The following AGT variants were observed in gnomAD, a reference collection of about 807,000 sequenced individuals.
AGT encodes angiotensinogen.
A neutral mutation model predicts 28.1 loss-of-function variants in AGT; 26 were observed. That is an observed-to-expected ratio of 0.92 (90% CI 0.68 to 1.28). The LOEUF (loss-of-function observed/expected upper bound fraction) is 1.28. Ranked by LOEUF, AGT falls within the 50% of genes most tolerant of loss-of-function variation. AGT has a pLI of 0.00. For synonymous variants in AGT, 259 were observed against 259.6 expected, an observed-to-expected ratio of 1.00 and a Z score of 0.02; for missense variants, 596 against 592.3, an observed-to-expected ratio of 1.01 and a Z score of -0.06.
At chr1:230,735,895 G>A (rs568351942) in intron 1 of AGT, among the ~76,000 whole-genome samples, 6 of 152,196 alleles carry the variant, frequency 3.9e-5, no homozygotes, top group East Asian at 1.9e-4. Flanking sequence ...ATAGTTCATC[G>A]ATTAAACACT....
chr1:230,712,630 G>C (rs535345068), intron 1 of AGT, among the ~76,000 whole-genome samples: 2 of 152,208 alleles, frequency 1.3e-5, no homozygotes, highest in African/African-American at 2.4e-5. Context: ...CCAACTGTTC[G>C]GGGTTTGGAT....
At position 230,703,141 on chromosome 1, in the gene AGT, T is replaced by G. The variant is rs1162198961; in HGVS notation, c.1431A>C (p.Ter477CysextTer25). ...GRVANPLSTA* is the reference protein window; with the variant it reads ...GRVANPLSTAC ...GGCACTGTGTTCTGGGGCCCTGGCC[T>G]CATGCTGTGCTCAGCGGGTTGGCCA... The change falls in exon 5 of 5, where the codon TGA becomes TGC. Residue 477 changes from the stop codon to cysteine, a stop_lost. Coordinates refer to ENST00000366667, the MANE Select transcript of AGT (RefSeq NM_001384479.1). 3.1e-6 allele frequency: 5 copies of G among 1,613,356 alleles called. No homozygotes were observed. The Admixed American group carries it at 8.3e-5, about 27-fold the overall frequency.
chr1:230,706,000 G>C lies in AGT; in HGVS notation c.1030C>G (p.Leu344Val), dbSNP rs61762529. Residue 344 changes from leucine (L) to valine (V), a missense_variant, in exon 3 of 5, where the codon CTG becomes GTG. Transcript: ENST00000366667. ...AAAGTGAGACCCTCCACCTTGTCCA[G>C]GTCAGAGGCATAGTGAGGCTGGATC... ...LLIQPHYASD[L>V]DKVEGLTFQQ... 2.0e-5 allele frequency: 32 copies of C among 1,614,052 alleles called. No individual in the cohort carries two copies. The highest frequency in any genetic ancestry group is 2.5e-5 in the Non-Finnish European group (30 of 1,180,028).
intron 2 of AGT, 50 bp from the exon 3 acceptor site, chr1:230,706,250 C>A (rs935154853): frequency 4.4e-6 from 7 of 1,598,204 alleles, no homozygotes; most frequent in Non-Finnish European, 6.0e-6. Context: ...AAGACAGGGG[C>A]AGGAATGAGG....
chr1:230,710,942 C>T, intron 1 of AGT, 89 bp from the exon 2 acceptor site: 1 of 1,484,640 alleles, frequency 6.7e-7, no homozygotes, highest in African/African-American at 1.4e-5. Flanking sequence ...CTCAATATTC[C>T]CTGTCACCAT....
intron 2 of AGT, among the ~76,000 whole-genome samples, chr1:230,709,540 G>T (rs964479824): frequency 3.3e-5 from 5 of 152,120 alleles, no homozygotes; most frequent in Admixed American, 3.3e-4. Flanking sequence ...ATTTCTGCAT[G>T]GGCCAGGGAC....
intron 1 of AGT, among the ~76,000 whole-genome samples, chr1:230,713,052 C>G (rs1269650885): frequency 6.6e-6 from 1 of 152,208 alleles, no homozygotes; most frequent in African/African-American, 2.4e-5. Context: ...TGAGGTTTCC[C>G]TGATGCAGTA....
chr1:230,712,325 G>A (rs968709520), intron 1 of AGT, among the ~76,000 whole-genome samples: 1 of 152,070 alleles, frequency 6.6e-6, no homozygotes, highest in Admixed American at 6.5e-5. Flanking sequence ...TCAACACGGT[G>A]CAGCTGCTGA....
Position 230,703,325 on chromosome 1 carries a change from A to G in AGT, c.1247T>C (p.Leu416Pro), listed in dbSNP as rs745906986. The G allele has an allele frequency of 9.9e-6, 16 of 1,614,110 alleles. No homozygotes were observed. The highest frequency in any genetic ancestry group is 1.3e-5 in the Non-Finnish European group (15 of 1,180,054). ...SNDRIRVGEVLNSIFFELEAD... is the reference protein window; with the variant it reads ...SNDRIRVGEVPNSIFFELEAD... ...TTCAAGCTCAAAAAAAATGCTGTTC[A>G]GCACCTGCAAAGCAGCAGACATCAG... is the stretch of plus-strand genomic sequence containing the variant. Residue 416 changes from leucine to proline, a missense_variant, in exon 5 of 5, where the codon CTG becomes CCG. Physicochemically the swap from Leu to Pro is moderately conservative, Grantham distance 98. Coordinates refer to ENST00000366667, the MANE Select transcript of AGT (RefSeq NM_001384479.1).
chr1:230,702,930 G>T lies in AGT; in HGVS notation c.*211C>A, dbSNP rs371105256. 5 of 594,444 alleles carry T rather than the reference G, an allele frequency of 8.4e-6. No individual in the cohort carries two copies. Among genetic ancestry groups the T allele is most frequent in the South Asian group, 2.1e-5 (1 of 46,918 alleles). 36.8% of individuals were successfully genotyped at this position (594,444 alleles called of 1,614,324 possible). A position where few individuals can be genotyped will look rare whatever the true frequency, so the allele number is the denominator to read the frequency against. On this transcript the variant is annotated 3_prime_UTR_variant, in exon 5 of 5. Coordinates refer to ENST00000366667, the MANE Select transcript of AGT (RefSeq NM_001384479.1). ...GCAAACTGGGAGGTGCATTTGTGCC[G>T]CTGCAGGCTTCTACTGCTCACTCCA... is the stretch of plus-strand genomic sequence containing the variant.
At chr1:230,719,512 A>C (rs1024555937), upstream of AGT, among the ~76,000 whole-genome samples, 1 of 148,676 alleles carries the variant, frequency 6.7e-6, no homozygotes, top group Non-Finnish European at 1.5e-5. Context: ...GGTTCACGCC[A>C]TTCTCCTGTC....
intron 1 of AGT, among the ~76,000 whole-genome samples, chr1:230,725,520 G>A (rs1663924916): frequency 6.6e-6 from 1 of 152,170 alleles, no homozygotes; most frequent in African/African-American, 2.4e-5. Flanking sequence ...GAAGAGTTCT[G>A]CTCACCATTT....
chr1:230,711,491 G>A (rs1333213151), intron 1 of AGT, among the ~76,000 whole-genome samples: 1 of 152,164 alleles, frequency 6.6e-6, no homozygotes, highest in Admixed American at 6.5e-5. Flanking sequence ...GCCTGCAGCT[G>A]TAAGTTCTCT....
chr1:230,734,189 C>T lies in AGT; in HGVS notation c.-31+11326G>A, dbSNP rs113950910. 5.0e-3 allele frequency among the ~76,000 whole-genome samples: 761 copies of T among 152,208 alleles called. 11 individuals are homozygous for T. Among genetic ancestry groups the T allele is most frequent in the African/African-American group, 0.017 (692 of 41,512 alleles). ...AAAGACAAAATATGACATATCCATA[C>T]GATGGAATATTATTCAAGCAAAATA... On this transcript the variant is annotated intron_variant, in intron 1 of 4. Coordinates refer to the AGT transcript ENST00000681269.
At chr1:230,744,160 T>C (rs1055886799) in intron 1 of AGT, among the ~76,000 whole-genome samples, 1 of 152,210 alleles carries the variant, frequency 6.6e-6, no homozygotes, top group Non-Finnish European at 1.5e-5. Context: ...CTCAGGGCAT[T>C]TCCCAGTGTG....
chr1:230,724,321 T>C (rs556481887), intron 1 of AGT, among the ~76,000 whole-genome samples: 1 of 152,356 alleles, frequency 6.6e-6, no homozygotes, highest in South Asian at 2.1e-4. Context: ...TGTCCTTTCA[T>C]TTAAAAATTA....
chr1:230,740,081 G>A (rs1435951811), intron 1 of AGT, among the ~76,000 whole-genome samples: 1 of 152,214 alleles, frequency 6.6e-6, no homozygotes, highest in East Asian at 1.9e-4. Context: ...AAGGGGCAGA[G>A]GCTTCCCTGA....
intron 1 of AGT, among the ~76,000 whole-genome samples, chr1:230,744,449 G>C (rs533933472): frequency 6.6e-6 from 1 of 152,318 alleles, no homozygotes; most frequent in East Asian, 1.9e-4. Context: ...CCAGGGCTCT[G>C]TGGGCAGACA....
At chr1:230,737,354 A>C (rs1203284871) in intron 1 of AGT, among the ~76,000 whole-genome samples, 1 of 152,062 alleles carries the variant, frequency 6.6e-6, no homozygotes, top group Non-Finnish European at 1.5e-5. Flanking sequence ...TTTTGTCACC[A>C]AGACTGGAGT....
Sources: allele counts gnomAD v4.1 joint callset (sites outside exome capture counted in the v4.1 genomes callset), GRCh38; gene constraint gnomAD v4.1.1; transcripts MANE v1.5; gene names NCBI Gene and HGNC (gene_info 2026-07-23, HGNC 2026-07-21).